RCOR1: variants seen among roughly 807,000 people sequenced by gnomAD.
The protein encoded by RCOR1 is REST corepressor 1.
RCOR1 carries 12 observed loss-of-function variants against 64.0 expected under a neutral mutation model. That is an observed-to-expected ratio of 0.19 (90% CI 0.12 to 0.30). The LOEUF is 0.30. Among genes scored for constraint, RCOR1 ranks in the 10% least tolerant of loss-of-function variants. The pLI is 1.00. For synonymous variants in RCOR1, 279 were observed against 227.2 expected, an observed-to-expected ratio of 1.23 and a Z score of -2.05; for missense variants, 502 against 621.2, an observed-to-expected ratio of 0.81 and a Z score of 2.04.
At chr14:102,605,473 A>G (rs1165904200) in intron 2 of RCOR1, among the ~76,000 whole-genome samples, 3 of 152,174 alleles carry the variant, frequency 2.0e-5, no homozygotes, top group Non-Finnish European at 4.4e-5. Context: ...ATTATAATGG[A>G]ACTAAAAAAT....
At chr14:102,625,303 T>G (rs1219839122) in intron 2 of RCOR1, among the ~76,000 whole-genome samples, 1 of 147,902 alleles carries the variant, frequency 6.8e-6, no homozygotes, top group Non-Finnish European at 1.5e-5. Flanking sequence ...TGGCACGATC[T>G]TGGCTCGCCG....
intron 2 of RCOR1, among the ~76,000 whole-genome samples, chr14:102,618,252 C>T (rs1024814718): frequency 4.6e-5 from 7 of 151,814 alleles, no homozygotes; most frequent in Non-Finnish European, 7.4e-5. Flanking sequence ...GTTGGGATTA[C>T]AGTCGTGAGC....
At chr14:102,622,182 T>TA (rs11447626) in intron 2 of RCOR1, among the ~76,000 whole-genome samples, 95,266 of 151,984 alleles carry the variant, frequency 0.63, 30,936 homozygotes, top group South Asian at 0.72. Flanking sequence ...CTCTCTTTCT[T>TA]ACTCTTAAGA....
chr14:102,659,278 T>C, intron 2 of RCOR1: 2 of 984,850 alleles, frequency 2.0e-6, no homozygotes, highest in Non-Finnish European at 2.4e-6. Flanking sequence ...GCCTTCACTA[T>C]CAAAACAAAT....
chr14:102,593,851 C>G (rs1003384227), intron 2 of RCOR1, among the ~76,000 whole-genome samples: 3 of 152,168 alleles, frequency 2.0e-5, no homozygotes, highest in Non-Finnish European at 4.4e-5. Context: ...GAACGACCCC[C>G]CAAAACCAGT....
chr14:102,612,491 G>T (rs7140399), intron 2 of RCOR1, among the ~76,000 whole-genome samples: 1 of 151,382 alleles, frequency 6.6e-6, no homozygotes, highest in African/African-American at 2.4e-5. Flanking sequence ...GAGCCACCAC[G>T]CCCGGTCTGA....
chr14:102,725,958 C>G (rs1483004889), intron 11 of RCOR1, among the ~76,000 whole-genome samples: 1 of 152,204 alleles, frequency 6.6e-6, no homozygotes, highest in Non-Finnish European at 1.5e-5. Flanking sequence ...CTCAAAAACA[C>G]TGATAACTTC....
At chr14:102,653,544 T>C (rs1056755434) in intron 2 of RCOR1, among the ~76,000 whole-genome samples, 4 of 152,158 alleles carry the variant, frequency 2.6e-5, no homozygotes, top group Non-Finnish European at 5.9e-5. Flanking sequence ...TTATAGCTGA[T>C]AGTTGTGGTT....
chr14:102,635,578 T>C (rs1030937160), intron 2 of RCOR1, among the ~76,000 whole-genome samples: 1 of 152,186 alleles, frequency 6.6e-6, no homozygotes, highest in Non-Finnish European at 1.5e-5. Context: ...AAAGTAGCTA[T>C]ATTATTATTA....
chr14:102,729,559 T>TA lies in RCOR1; in HGVS notation c.*3053_*3054insA. 1 of 285,782 alleles carries TA rather than the reference T, an allele frequency of 3.5e-6. No homozygotes were observed. 17.7% of individuals were successfully genotyped at this position (285,782 alleles called of 1,614,324 possible). On this transcript the variant is annotated 3_prime_UTR_variant, in exon 12 of 12. Transcript: ENST00000262241. ...CGTTCTGATGCTCACAAACCTCTAT[T>TA]CAACACACAAAACAAACATGAAAAG...
chr14:102,643,283 CA>C (rs529112960), intron 2 of RCOR1: 47 of 949,124 alleles, frequency 5.0e-5, no homozygotes, highest in Middle Eastern at 5.4e-4. Flanking sequence ...GACTCCGTCT[CA>C]AAAAAAAGAG....
In RCOR1 at chr14:102,608,878, A is replaced by G. The variant is rs1361315372; in HGVS notation, c.361+15553A>G. Among the ~76,000 whole-genome samples, 4 of 150,152 alleles carry G rather than the reference A, an allele frequency of 2.7e-5. No individual in the cohort carries two copies. The Admixed American group carries it at 2.7e-4, about 10-fold the overall frequency. Reference sequence around the variant, plus strand: ...CTACACCTGGCTCATTCATTTGTTGATGGACATTTAGCTTGTTGTTACCTT... The same window carrying G: ...CTACACCTGGCTCATTCATTTGTTGGTGGACATTTAGCTTGTTGTTACCTT... On this transcript the variant is annotated intron_variant, in intron 2 of 11. Transcript: ENST00000262241.
chr14:102,702,769 T>C (rs1439346254), intron 4 of RCOR1, among the ~76,000 whole-genome samples: 1 of 152,018 alleles, frequency 6.6e-6, no homozygotes. Context: ...TGATTATGAG[T>C]TTACTACATT....
rs75355565 is a variant in RCOR1 at position 102,677,230 on chromosome 14, C to T, written c.362-4665C>T. On this transcript the variant is annotated intron_variant, in intron 2 of 11. Transcript: ENST00000262241. ...GGGGCTGACCCCCCCTCCCCCCTCC[C>T]GGACGGGGTGGCTGGCCGGGCAGAG... 5.3e-4 allele frequency among the ~76,000 whole-genome samples: 71 copies of T among 133,300 alleles called. 1 individual carries two copies. The highest frequency in any genetic ancestry group is 1.7e-3 in the African/African-American group (57 of 33,292). 87.4% of individuals were successfully genotyped at this position (133,300 alleles called of 152,430 possible). A position where few individuals can be genotyped will look rare whatever the true frequency, so the allele number is the denominator to read the frequency against.
At chr14:102,644,010 TCA>T (rs1894428101) in intron 2 of RCOR1, among the ~76,000 whole-genome samples, 1 of 152,192 alleles carries the variant, frequency 6.6e-6, no homozygotes, top group East Asian at 1.9e-4. Flanking sequence ...TTTTATTATC[TCA>T]CACTTTCTGG....
At chr14:102,684,020 C>T (rs1033061460) in intron 3 of RCOR1, among the ~76,000 whole-genome samples, 4 of 152,256 alleles carry the variant, frequency 2.6e-5, no homozygotes, top group Admixed American at 6.5e-5. Flanking sequence ...GACCGTATCC[C>T]GCCTCTCTGC....
intron 8 of RCOR1, among the ~76,000 whole-genome samples, chr14:102,716,273 C>T (rs1896067188): frequency 6.6e-6 from 1 of 151,986 alleles, no homozygotes; most frequent in Non-Finnish European, 1.5e-5. Flanking sequence ...TATAGGTGTT[C>T]TTTAGGCTCT....
Position 102,701,338 on chromosome 14 carries a change from C to T in RCOR1, c.498+8C>T, listed in dbSNP as rs757159373. 2.5e-6 allele frequency: 4 copies of T among 1,569,170 alleles called. No individual in the cohort carries two copies. In the African/African-American group the frequency reaches 4.1e-5, roughly 16 times the overall value. The stretch of plus-strand genomic sequence containing the variant: ...GGGTACAACATGGAACAGGTAATAT[C>T]ATGGTTTTCTTTCTTTTGCTGTTAA... On this transcript the variant is annotated splice_region_variant and intron_variant, in intron 4 of 11. Coordinates refer to ENST00000262241, the MANE Select transcript of RCOR1 (RefSeq NM_015156.4).
chr14:102,690,475 C>G (rs1410481664), intron 3 of RCOR1, among the ~76,000 whole-genome samples: 1 of 152,076 alleles, frequency 6.6e-6, no homozygotes, highest in Non-Finnish European at 1.5e-5. Flanking sequence ...CCTGTAGTCC[C>G]AGACTGTTGG....
Sources: gnomAD v4.1 joint callset for allele counts (sites outside exome capture counted in the v4.1 genomes callset) on GRCh38, gnomAD v4.1.1 for gene constraint, MANE v1.5 for transcripts, NCBI Gene and HGNC (gene_info 2026-07-23, HGNC 2026-07-21) for gene names.